The following HIBADH variants were observed in gnomAD, a reference collection of about 807,000 sequenced individuals.
The protein encoded by HIBADH is 3-hydroxyisobutyrate dehydrogenase, also known as 3-hydroxyisobutyrate dehydrogenase, mitochondrial.
HIBADH carries 25 observed loss-of-function variants against 36.1 expected under a neutral mutation model. The ratio of observed to expected loss-of-function variants is 0.69; its 90% CI spans 0.50 to 0.97. The LOEUF (loss-of-function observed/expected upper bound fraction) is 0.97. HIBADH is among the 50% of genes least tolerant of loss of function. The probability of loss-of-function intolerance (pLI) is 0.00; values close to 1 mark genes in which losing one functional copy is unlikely to be tolerated. For missense variants in HIBADH, 421 were observed against 418.0 expected, an observed-to-expected ratio of 1.01 and a Z score of -0.06; for synonymous variants, 160 against 149.5, an observed-to-expected ratio of 1.07 and a Z score of -0.51.
intron 4 of HIBADH, among the ~76,000 whole-genome samples, chr7:27,608,096 A>T (rs200865319): frequency 6.6e-6 from 1 of 152,218 alleles, no homozygotes; most frequent in African/African-American, 2.4e-5. Context: ...TAGAGGCTGT[A>T]GTAGATAAAC....
intron 4 of HIBADH, among the ~76,000 whole-genome samples, chr7:27,573,167 A>G (rs528423043): frequency 6.6e-6 from 1 of 152,332 alleles, no homozygotes; most frequent in East Asian, 1.9e-4. Context: ...ACAAAACTCC[A>G]GATACACTGA....
At position 27,640,254 on chromosome 7, in the gene HIBADH, G is replaced by A. The variant is rs189823443; in HGVS notation, c.253-7809C>T. On this transcript the variant is annotated intron_variant, in intron 2 of 7. Transcript: ENST00000265395. ...TTCCTTAAAAACCCACCTGGGGCCA[G>A]GTGCAATGGCTCACACCTGTAATCC... Among the ~76,000 whole-genome samples the A allele has an allele frequency of 2.2e-3, 335 of 152,302 alleles. 2 individuals are homozygous for A. Among genetic ancestry groups the A allele is most frequent in the African/African-American group, 7.6e-3 (317 of 41,548 alleles).
chr7:27,616,293 G>T (rs1562645105), intron 4 of HIBADH, among the ~76,000 whole-genome samples: 1 of 152,052 alleles, frequency 6.6e-6, no homozygotes, highest in African/African-American at 2.4e-5. Flanking sequence ...TACCTCCATG[G>T]CCCAAATACT....
chr7:27,539,632 T>C (rs1376870683), intron 5 of HIBADH, among the ~76,000 whole-genome samples: 1 of 152,080 alleles, frequency 6.6e-6, no homozygotes, highest in African/African-American at 2.4e-5. Flanking sequence ...GTACTACAAA[T>C]AGAGAGGACT....
chr7:27,535,439 T>A (rs1784058781), intron 6 of HIBADH, among the ~76,000 whole-genome samples: 1 of 152,170 alleles, frequency 6.6e-6, no homozygotes. Flanking sequence ...TGCTTCAAGC[T>A]TCTTTTGGCG....
chr7:27,629,330 C>A, intron 4 of HIBADH, 41 bp downstream of exon 4: 1 of 1,583,276 alleles, frequency 6.3e-7, no homozygotes, highest in Non-Finnish European at 8.6e-7. Context: ...CTACTTTTGA[C>A]AAACATAAAT....
chr7:27,527,918 G>GTTTTTTTT (rs746260280), intron 7 of HIBADH, among the ~76,000 whole-genome samples: 1 of 61,700 alleles, frequency 1.6e-5, no homozygotes, highest in African/African-American at 5.6e-5. Flanking sequence ...CACACCCAGC[G>GTTTTTTTT]TTTTTTTTTT....
At chr7:27,570,674 A>G (rs1428921276) in intron 4 of HIBADH, among the ~76,000 whole-genome samples, 1 of 151,444 alleles carries the variant, frequency 6.6e-6, no homozygotes, top group Admixed American at 6.6e-5. Context: ...GGTAAATTTT[A>G]CTGTATATAA....
At chr7:27,541,741 G>A (rs1384881189) in intron 5 of HIBADH, 1 of 437,546 alleles carries the variant, frequency 2.3e-6, no homozygotes, top group Admixed American at 2.6e-5. Flanking sequence ...GTCATTCAAG[G>A]TTTATGGTAT....
intron 4 of HIBADH, among the ~76,000 whole-genome samples, chr7:27,607,109 G>C (rs1785242062): frequency 6.6e-6 from 1 of 152,148 alleles, no homozygotes; most frequent in Admixed American, 6.5e-5. Context: ...TGTAAATGCC[G>C]AATCATGAAA....
At chr7:27,620,486 CAACAAA>C (rs1554299421) in intron 4 of HIBADH, among the ~76,000 whole-genome samples, 5 of 151,288 alleles carry the variant, frequency 3.3e-5, no homozygotes, top group Non-Finnish European at 7.4e-5. Context: ...ACAACAACAA[CAACAAA>C]AACAAACCAA....
intron 4 of HIBADH, among the ~76,000 whole-genome samples, chr7:27,622,249 T>TA (rs1044581606): frequency 7.2e-5 from 11 of 151,888 alleles, no homozygotes; most frequent in African/African-American, 1.2e-4. Flanking sequence ...TATTTTTTTT[T>TA]AAAAAAGTTA....
chr7:27,612,123 G>A (rs576616587), intron 4 of HIBADH, among the ~76,000 whole-genome samples: 1 of 151,972 alleles, frequency 6.6e-6, no homozygotes, highest in South Asian at 2.1e-4. Context: ...TGCCTTCTTT[G>A]TATGAACTGG....
chr7:27,607,592 A>G (rs925960526), intron 4 of HIBADH, among the ~76,000 whole-genome samples: 2 of 152,170 alleles, frequency 1.3e-5, no homozygotes, highest in Admixed American at 6.5e-5. Flanking sequence ...CTTTCTCAAA[A>G]TTATCATTTA....
chr7:27,643,481 A>G (rs1342613441), intron 2 of HIBADH, among the ~76,000 whole-genome samples: 2 of 152,220 alleles, frequency 1.3e-5, no homozygotes, highest in Non-Finnish European at 1.5e-5. Context: ...CTTAATCCCT[A>G]TAACAAGTCT....
intron 1 of HIBADH, among the ~76,000 whole-genome samples, chr7:27,653,686 G>A (rs1458933147): frequency 9.3e-5 from 14 of 150,952 alleles, no homozygotes; most frequent in South Asian, 2.1e-4. Context: ...GCAGTGAGCT[G>A]AGATCGCACC....
At chr7:27,575,816 C>T (rs1317375098) in intron 4 of HIBADH, among the ~76,000 whole-genome samples, 1 of 152,178 alleles carries the variant, frequency 6.6e-6, no homozygotes, top group Non-Finnish European at 1.5e-5. Context: ...CATGTAAGTA[C>T]GGAAATCTGC....
At chr7:27,568,036 G>C (rs554635217) in intron 4 of HIBADH, among the ~76,000 whole-genome samples, 43 of 152,220 alleles carry the variant, frequency 2.8e-4, no homozygotes, top group African/African-American at 1.0e-3. Context: ...GTAAGTCAAG[G>C]GGCATTGGTA....
At chr7:27,532,184 C>A (rs1158077852) in intron 6 of HIBADH, among the ~76,000 whole-genome samples, 1 of 152,152 alleles carries the variant, frequency 6.6e-6, no homozygotes, top group Non-Finnish European at 1.5e-5. Flanking sequence ...TACTTGGATT[C>A]TAAAGATATA....
Sources: gnomAD v4.1 joint callset for allele counts (sites outside exome capture counted in the v4.1 genomes callset) on GRCh38, gnomAD v4.1.1 for gene constraint, MANE v1.5 for transcripts, NCBI Gene and HGNC (gene_info 2026-07-23, HGNC 2026-07-21) for gene names.